The following PCDHA11 variants were observed in gnomAD, a reference collection of about 807,000 sequenced individuals.
PCDHA11 encodes the protein protocadherin alpha-11.
Under a neutral mutation model 70.3 loss-of-function variants are expected in PCDHA11, and 61 were observed. The observed-to-expected ratio is 0.87, with a 90% CI of 0.71 to 1.07. The LOEUF (loss-of-function observed/expected upper bound fraction) is 1.07. Among genes scored for constraint, PCDHA11 ranks in the 50% least tolerant of loss-of-function variants. The probability of loss-of-function intolerance (pLI) is 0.00; values close to 1 mark genes in which losing one functional copy is unlikely to be tolerated. For missense variants in PCDHA11, 1,324 were observed against 1,237.5 expected, an observed-to-expected ratio of 1.07 and a Z score of -1.05; for synonymous variants, 633 against 555.1, an observed-to-expected ratio of 1.14 and a Z score of -1.97.
Position 140,875,764 on chromosome 5 carries a change from C to T in PCDHA11, c.2391+4270C>T, listed in dbSNP as rs782377276. On this transcript the variant is annotated intron_variant, in intron 1 of 3. Coordinates refer to ENST00000398640, the MANE Select transcript of PCDHA11 (RefSeq NM_018902.5). ...GATCGACCGCGAGAAGCTGTGCGGGCGGAGCGCGGAGTGCAGTATCCACCT... is the reference window on the plus strand; with the variant it reads ...GATCGACCGCGAGAAGCTGTGCGGGTGGAGCGCGGAGTGCAGTATCCACCT... 27 of 1,614,078 alleles carry T rather than the reference C, an allele frequency of 1.7e-5. No homozygotes were observed. In the South Asian group the frequency reaches 2.1e-4, roughly 12 times the overall value.
chr5:140,912,878 T>C (rs2076104558), intron 1 of PCDHA11, among the ~76,000 whole-genome samples: 1 of 152,236 alleles, frequency 6.6e-6, no homozygotes, highest in Non-Finnish European at 1.5e-5. Flanking sequence ...GTTTTTGGTC[T>C]TCATTCTGTT....
chr5:140,884,335 A>G, intron 1 of PCDHA11: 1 of 1,613,888 alleles, frequency 6.2e-7, no homozygotes, highest in Non-Finnish European at 8.5e-7. Flanking sequence ...CTGTGGGTCC[A>G]GAAGCGGCGC....
chr5:140,876,620 G>A lies in PCDHA11; in HGVS notation c.2391+5126G>A, dbSNP rs782423759. The A allele has an allele frequency of 1.1e-5, 18 of 1,614,062 alleles. No homozygotes were observed. The highest frequency in any genetic ancestry group is 1.7e-5 in the Admixed American group (1 of 60,010). Reference sequence around the variant, plus strand: ...TCGGATCGTGACTCTGGAGCCAATGGACAGGTCATCTGCTCACTGACACCT... The same window carrying A: ...TCGGATCGTGACTCTGGAGCCAATGAACAGGTCATCTGCTCACTGACACCT... On this transcript the variant is annotated intron_variant, in intron 1 of 3. Coordinates refer to ENST00000398640, the MANE Select transcript of PCDHA11 (RefSeq NM_018902.5).
intron 3 of PCDHA11, among the ~76,000 whole-genome samples, chr5:140,997,668 T>G (rs2097778117): frequency 6.7e-6 from 1 of 148,344 alleles, no homozygotes; most frequent in African/African-American, 2.5e-5. Flanking sequence ...ATTATACAGC[T>G]TGTGTGTGTG....
At chr5:140,877,334 C>T (rs375199455) in intron 1 of PCDHA11, 1 of 1,614,002 alleles carries the variant, frequency 6.2e-7, no homozygotes, top group Non-Finnish European at 8.5e-7. Flanking sequence ...GCGCACATCC[C>T]GTTCCACGTG....
intron 3 of PCDHA11, among the ~76,000 whole-genome samples, chr5:140,986,982 G>A (rs782173410): frequency 3.9e-5 from 6 of 152,164 alleles, no homozygotes; most frequent in Non-Finnish European, 8.8e-5. Context: ...GGGAGGCCAA[G>A]GCAGGCAGAT....
intron 1 of PCDHA11, chr5:140,875,523 G>A (rs782796444): frequency 6.2e-7 from 1 of 1,613,992 alleles, no homozygotes; most frequent in South Asian, 1.1e-5. Flanking sequence ...TGCTGCTCTC[G>A]CTTCTGCTCC....
intron 1 of PCDHA11, chr5:140,928,813 C>T: frequency 6.2e-7 from 1 of 1,614,118 alleles, no homozygotes; most frequent in Non-Finnish European, 8.5e-7. Flanking sequence ...GGTTCGGGAC[C>T]ATGGAGACCC....
chr5:140,871,279 C>G lies in PCDHA11; in HGVS notation c.2176C>G (p.Pro726Ala). The change falls in exon 1 of 4, where the codon CCC (proline) becomes GCC (alanine). Residue 726 changes from proline to alanine, a missense_variant. Physicochemically the swap from Pro to Ala is conservative, Grantham distance 27. Coordinates refer to ENST00000398640, the MANE Select transcript of PCDHA11 (RefSeq NM_018902.5). Reference sequence around the variant, plus strand: ...TACGGCGCTGTGGTGGTCGGCAACGCCCACTGAGGGCGCGTGCGCGCCGGG... The same window carrying G: ...TACGGCGCTGTGGTGGTCGGCAACGGCCACTGAGGGCGCGTGCGCGCCGGG... ...LYTALWWSAT[P>A]TEGACAPGKP... The G allele has an allele frequency of 1.2e-6, 2 of 1,613,946 alleles. No homozygotes were observed. Among genetic ancestry groups the G allele is most frequent in the Non-Finnish European group, 1.7e-6 (2 of 1,179,944 alleles).
rs782394304 is a variant in PCDHA11, at chr5:140,871,196, AC to A, written c.2095del (p.Leu699Ter). 28 of 1,613,546 alleles carry A rather than the reference AC, an allele frequency of 1.7e-5. No individual in the cohort carries two copies. Among genetic ancestry groups the A allele is most frequent in the Non-Finnish European group, 2.2e-5 (26 of 1,179,946 alleles). The stretch of plus-strand genomic sequence containing the variant: ...GCTGCGCTGGTGGATGTCAACGTGT[AC>A]CTGATCATCGCCATCTGCGTGGTGT... The part of the protein sequence containing the change: ...PEAALVDVNV[Y>X]LIIAICVVSS... On this transcript the variant is annotated frameshift_variant, in exon 1 of 4. Transcript: ENST00000398640. LOFTEE classifies it high-confidence loss of function.
At chr5:140,993,459 TTCTCAC>T (rs2097559303) in intron 3 of PCDHA11, among the ~76,000 whole-genome samples, 1 of 83,038 alleles carries the variant, frequency 1.2e-5, no homozygotes, top group African/African-American at 4.6e-5. Context: ...CCTTCTTTCT[TTCTCAC>T]ACACACACAC....
intron 1 of PCDHA11, among the ~76,000 whole-genome samples, chr5:140,974,318 A>G (rs2096622244): frequency 6.6e-6 from 1 of 152,206 alleles, no homozygotes; most frequent in Admixed American, 6.5e-5. Context: ...GTGAGAGAGT[A>G]GCTGCTGTGC....
Position 140,869,285 on chromosome 5 carries a change from A to C in PCDHA11, c.182A>C (p.Gln61Pro), listed in dbSNP as rs201493000. ...DLGLELAELV[Q>P]RLFRVASKTH... The stretch of plus-strand genomic sequence containing the variant: ...GGGCTGGAGCTGGCGGAGCTGGTGC[A>C]GCGCCTGTTCCGGGTGGCGTCCAAA... The change falls in exon 1 of 4, where the codon CAG becomes CCG. Residue 61 changes from glutamine (Q) to proline (P), a missense_variant. Physicochemically the swap from Gln to Pro is moderately conservative, Grantham distance 76 (BLOSUM62 -1). Transcript: ENST00000398640. The C allele has an allele frequency of 2.9e-3, 4,695 of 1,613,540 alleles. 19 individuals carry two copies. Among genetic ancestry groups the C allele is most frequent in the African/African-American group, 9.9e-3 (743 of 75,038 alleles).
intron 3 of PCDHA11, among the ~76,000 whole-genome samples, chr5:140,983,788 C>T (rs1319880543): frequency 6.6e-6 from 1 of 152,144 alleles, no homozygotes; most frequent in Non-Finnish European, 1.5e-5. Context: ...TAACAGATGA[C>T]AGAATGTGTG....
chr5:140,957,063 C>T (rs2095330338), intron 1 of PCDHA11, among the ~76,000 whole-genome samples: 2 of 152,058 alleles, frequency 1.3e-5, no homozygotes, highest in African/African-American at 4.8e-5. Flanking sequence ...ATAAATGTGA[C>T]TGAGGGCTTT....
intron 1 of PCDHA11, chr5:140,884,171 C>A: frequency 6.2e-7 from 1 of 1,613,414 alleles, no homozygotes; most frequent in Non-Finnish European, 8.5e-7. Flanking sequence ...CAGCACGACG[C>A]GCCCTCTGGA....
At chr5:140,927,505 G>T (rs782722913) in intron 1 of PCDHA11, 1 of 1,614,120 alleles carries the variant, frequency 6.2e-7, no homozygotes, top group East Asian at 2.2e-5. Flanking sequence ...GGTGCTTACA[G>T]CTCGGGACGG....
At chr5:140,936,351 T>C (rs2090932385) in intron 1 of PCDHA11, among the ~76,000 whole-genome samples, 1 of 152,246 alleles carries the variant, frequency 6.6e-6, no homozygotes, top group African/African-American at 2.4e-5. Flanking sequence ...ATATATGGAA[T>C]GTGTAGCTAC....
chr5:140,995,086 T>C (rs1182368049), intron 3 of PCDHA11, among the ~76,000 whole-genome samples: 2 of 152,246 alleles, frequency 1.3e-5, no homozygotes, highest in African/African-American at 4.8e-5. Context: ...TCCAAACTTA[T>C]CTGTGGAGAT....
Sources: allele counts gnomAD v4.1 joint callset (sites outside exome capture counted in the v4.1 genomes callset), GRCh38; gene constraint gnomAD v4.1.1; transcripts MANE v1.5; gene names NCBI Gene and HGNC (gene_info 2026-07-23, HGNC 2026-07-21).